Variants in SEZ6L observed in about 807,000 individuals in gnomAD.
SEZ6L encodes the protein seizure 6-like protein.
Under a neutral mutation model 106.2 loss-of-function variants are expected in SEZ6L, and 37 were observed. The observed-to-expected ratio is 0.35, with a 90% CI of 0.27 to 0.46. SEZ6L has a LOEUF of 0.46. SEZ6L is among the 20% of genes least tolerant of loss of function. The pLI, the probability that SEZ6L is intolerant of heterozygous loss-of-function variation, is 1.00. For synonymous variants in SEZ6L, 541 were observed against 570.4 expected (o/e 0.95, Z 0.73); for missense variants, 1,172 against 1,332.8 (o/e 0.88, Z 1.88).
chr22:26,261,075 G>A (rs892667194), intron 1 of SEZ6L, among the ~76,000 whole-genome samples: 2 of 145,092 alleles, frequency 1.4e-5, no homozygotes, highest in Non-Finnish European at 3.1e-5. Flanking sequence ...CTTTTTGATG[G>A]GATTATTTGT....
At chr22:26,257,854 C>T (rs570914929) in intron 1 of SEZ6L, among the ~76,000 whole-genome samples, 1 of 152,134 alleles carries the variant, frequency 6.6e-6, no homozygotes, top group Non-Finnish European at 1.5e-5. Flanking sequence ...TATAGAAACC[C>T]CAGGGAGTTT....
At chr22:26,291,976 AAAGG>A (rs56887152) in intron 1 of SEZ6L, among the ~76,000 whole-genome samples, 15,752 of 123,068 alleles carry the variant, frequency 0.13, 1,456 homozygotes, top group East Asian at 0.2. Context: ...GTCTTCAGGA[AAAGG>A]AAGGAAGGAA....
chr22:26,311,328 A>G (rs2081822874), intron 7 of SEZ6L, among the ~76,000 whole-genome samples: 1 of 152,206 alleles, frequency 6.6e-6, no homozygotes, highest in African/African-American at 2.4e-5. Flanking sequence ...TCTCCTGCTG[A>G]GACCCTGACT....
intron 12 of SEZ6L, 90 bp downstream of exon 12, chr22:26,351,333 C>T: frequency 3.2e-6 from 4 of 1,252,312 alleles, no homozygotes; most frequent in Non-Finnish European, 4.5e-6. Flanking sequence ...TGCTAGGAGG[C>T]CTTCTGCTTT....
chr22:26,257,101 T>C (rs2079847892), intron 1 of SEZ6L, among the ~76,000 whole-genome samples: 1 of 152,204 alleles, frequency 6.6e-6, no homozygotes, highest in African/African-American at 2.4e-5. Context: ...GGGGTGGGGT[T>C]ACTGCTGGCA....
At chr22:26,231,682 G>C (rs1228562219) in intron 1 of SEZ6L, among the ~76,000 whole-genome samples, 2 of 152,204 alleles carry the variant, frequency 1.3e-5, no homozygotes, top group East Asian at 3.8e-4. Context: ...TCAAGGCCCA[G>C]GAGACAGATC....
At chr22:26,334,293 C>A (rs367762508) in intron 9 of SEZ6L, among the ~76,000 whole-genome samples, 1 of 152,058 alleles carries the variant, frequency 6.6e-6, no homozygotes, top group Non-Finnish European at 1.5e-5. Flanking sequence ...TTCTCCTCAC[C>A]CCCTAACCCT....
At chr22:26,281,822 C>G (rs1223029998) in intron 1 of SEZ6L, among the ~76,000 whole-genome samples, 1 of 152,150 alleles carries the variant, frequency 6.6e-6, no homozygotes, top group African/African-American at 2.4e-5. Context: ...TGGTAAACAC[C>G]ATTCTACCCT....
chr22:26,303,620 C>G (rs2081520592), intron 5 of SEZ6L, among the ~76,000 whole-genome samples: 1 of 152,156 alleles, frequency 6.6e-6, no homozygotes, highest in African/African-American at 2.4e-5. Context: ...TACCTTTGAA[C>G]TTCTTTTTTC....
chr22:26,273,467 C>T (rs535578986), intron 1 of SEZ6L, among the ~76,000 whole-genome samples: 1 of 152,398 alleles, frequency 6.6e-6, no homozygotes, highest in Admixed American at 6.5e-5. Context: ...TGTGCGCCGC[C>T]TCGGCCTCAG....
intron 13 of SEZ6L, among the ~76,000 whole-genome samples, chr22:26,366,879 C>T (rs1455936088): frequency 6.6e-6 from 1 of 152,058 alleles, no homozygotes; most frequent in Non-Finnish European, 1.5e-5. Context: ...GAACTCCTGA[C>T]CTCAAGCGAT....
intron 10 of SEZ6L, among the ~76,000 whole-genome samples, chr22:26,341,326 C>T (rs144765683): frequency 1.3e-3 from 199 of 152,206 alleles, no homozygotes; most frequent in Middle Eastern, 0.01. Context: ...CCTATGACCC[C>T]TCGTGTGCTT....
intron 1 of SEZ6L, among the ~76,000 whole-genome samples, chr22:26,237,750 A>ACCCAC (rs2078995561): frequency 6.6e-6 from 1 of 151,998 alleles, no homozygotes; most frequent in Non-Finnish European, 1.5e-5. Context: ...CTCATCTGCC[A>ACCCAC]CCCACCCCAC....
intron 1 of SEZ6L, among the ~76,000 whole-genome samples, chr22:26,218,693 T>C (rs561652146): frequency 6.6e-6 from 1 of 152,298 alleles, no homozygotes; most frequent in Admixed American, 6.5e-5. Flanking sequence ...ACCCAGCACT[T>C]TGGGAGGCCA....
rs2084377424 is a variant in SEZ6L, at chr22:26,380,397, G to A, written c.*102G>A. On this transcript the variant is annotated 3_prime_UTR_variant, in exon 17 of 17. Transcript: ENST00000248933. Reference sequence around the variant, plus strand: ...CACTTGATTGAAACCCCAGAATGTCGACTGTCTTTTGTTTAGACTCTTTAT... The same window carrying A: ...CACTTGATTGAAACCCCAGAATGTCAACTGTCTTTTGTTTAGACTCTTTAT... 8.8e-6 allele frequency: 8 copies of A among 907,664 alleles called. No homozygotes were observed. The highest frequency in any genetic ancestry group is 1.1e-5 in the Non-Finnish European group (6 of 552,230). 56.2% of individuals were successfully genotyped at this position (907,664 alleles called of 1,614,324 possible). A position where few individuals can be genotyped will look rare whatever the true frequency, so the allele number is the denominator to read the frequency against.
At chr22:26,174,488 C>T (rs530694540) in intron 1 of SEZ6L, among the ~76,000 whole-genome samples, 6 of 152,254 alleles carry the variant, frequency 3.9e-5, no homozygotes, top group Admixed American at 6.5e-5. Flanking sequence ...GCTGGGTAGA[C>T]GAGAGCTGGA....
At chr22:26,274,685 G>A (rs193254279) in intron 1 of SEZ6L, among the ~76,000 whole-genome samples, 7 of 152,308 alleles carry the variant, frequency 4.6e-5, no homozygotes, top group Admixed American at 4.6e-4. Flanking sequence ...TCAGCAAAGG[G>A]AAGAGGTACA....
At chr22:26,190,021 C>T (rs1211550346) in intron 1 of SEZ6L, among the ~76,000 whole-genome samples, 2 of 151,546 alleles carry the variant, frequency 1.3e-5, no homozygotes, top group African/African-American at 4.8e-5. Context: ...GGCCTGAACC[C>T]GGGAGGCGGA....
At chr22:26,251,594 G>A (rs149594879) in intron 1 of SEZ6L, among the ~76,000 whole-genome samples, 5 of 152,308 alleles carry the variant, frequency 3.3e-5, no homozygotes, top group Middle Eastern at 3.4e-3. Context: ...AGGAGGCTTG[G>A]AGTCAGTTTT....
Sources: allele counts gnomAD v4.1 joint callset (sites outside exome capture counted in the v4.1 genomes callset), GRCh38; gene constraint gnomAD v4.1.1; transcripts MANE v1.5; gene names NCBI Gene and HGNC (gene_info 2026-07-23, HGNC 2026-07-21).